Variants in USP9X observed in about 807,000 individuals in gnomAD.
USP9X encodes ubiquitin specific peptidase 9 X-linked.
USP9X carries 7 observed loss-of-function variants against 190.3 expected under a neutral mutation model. The ratio of observed to expected loss-of-function variants is 0.04; its 90% confidence interval spans 0.02 to 0.07. The LOEUF (loss-of-function observed/expected upper bound fraction) is 0.07, where lower values mean the gene tolerates loss of function less well. Ranked by LOEUF, USP9X falls within the 10% of genes least tolerant of loss-of-function variation. USP9X has a pLI of 1.00. For synonymous variants in USP9X, 645 were observed against 659.5 expected, an observed-to-expected ratio of 0.98 and a Z score of 0.34; for missense variants, 1,010 against 1,916.9, an observed-to-expected ratio of 0.53 and a Z score of 8.83.
chrX:41,087,358 T>C (rs1401214579), intron 1 of USP9X, among the ~76,000 whole-genome samples: 2 of 112,127 alleles, frequency 1.8e-5, no homozygotes, highest in Non-Finnish European at 3.8e-5. Context: ...CTGATTACCC[T>C]TAGGTAAGGA....
chrX:41,166,459 T>A (rs983498837), intron 16 of USP9X, among the ~76,000 whole-genome samples: 7 of 111,619 alleles, frequency 6.3e-5, no homozygotes, highest in African/African-American at 2.3e-4. Context: ...ATTCCATAGA[T>A]GTGCACTAAA....
At chrX:41,156,202 A>G (rs142542928) in intron 14 of USP9X, among the ~76,000 whole-genome samples, 6 of 112,124 alleles carry the variant, frequency 5.4e-5, no homozygotes, top group African/African-American at 1.9e-4. Flanking sequence ...AAGAAAATCT[A>G]TTAAATCTGC....
chrX:41,150,226 C>G (rs2062511973), intron 12 of USP9X, among the ~76,000 whole-genome samples: 1 of 110,316 alleles, frequency 9.1e-6, no homozygotes, highest in Admixed American at 9.6e-5. Flanking sequence ...TCCGAGCTTA[C>G]GAAATTGTTA....
chrX:41,093,959 T>C (rs1224991066), intron 1 of USP9X, among the ~76,000 whole-genome samples: 1 of 111,825 alleles, frequency 8.9e-6, no homozygotes, highest in Non-Finnish European at 1.9e-5. Flanking sequence ...ATACTGGCTA[T>C]GTACAGCATT....
intron 1 of USP9X, 36 bp from the exon 2 acceptor site, chrX:41,123,435 C>CT: frequency 1.7e-5 from 7 of 412,321 alleles, no homozygotes; most frequent in South Asian, 1.5e-4. Flanking sequence ...TTTTTTATAT[C>CT]TAAAACCAAT....
intron 21 of USP9X, among the ~76,000 whole-genome samples, chrX:41,177,305 C>T (rs766584483): frequency 8.9e-6 from 1 of 112,294 alleles, no homozygotes; most frequent in Non-Finnish European, 1.9e-5. Flanking sequence ...CATAATTATT[C>T]GGTATCTCTT....
chrX:41,143,185 G>A lies in USP9X; in HGVS notation c.1162-106G>A, dbSNP rs1026856452. 4.0e-5 allele frequency: 23 copies of A among 571,178 alleles called. No homozygotes were observed. In the African/African-American group the frequency reaches 5.0e-4, roughly 12 times the overall value. 47.1% of individuals were successfully genotyped at this position (571,178 alleles called of 1,213,427 possible). On this transcript the variant is annotated intron_variant, in intron 9 of 44. Transcript: ENST00000378308. ...GTATATTTTACCAGTATTATATTTTGTAAATGTGTTTTGAATTTCCTTATA... is the reference window on the plus strand; with the variant it reads ...GTATATTTTACCAGTATTATATTTTATAAATGTGTTTTGAATTTCCTTATA...
chrX:41,196,847 TG>T (rs758587113), intron 28 of USP9X, 109 bp downstream of exon 28: 2 of 638,424 alleles, frequency 3.1e-6, no homozygotes, highest in East Asian at 7.4e-5. Flanking sequence ...CTCCAAAGAT[TG>T]ATAAAAGGGA....
Position 41,216,487 on chromosome X carries a change from A to G in USP9X, c.5920A>G (p.Ile1974Val), listed in dbSNP as rs760867179. ...ELIRYISELA[I>V]TTRPHQIIMP... is the part of the protein sequence containing the mutation. Reference sequence around the variant, plus strand: ...GATAAGATATATATCAGAGCTTGCTATCACCACCAGACCTCATCAGATTAT... The same window carrying G: ...GATAAGATATATATCAGAGCTTGCTGTCACCACCAGACCTCATCAGATTAT... The change falls in exon 35 of 45, where the codon ATC becomes GTC. Residue 1974 changes from isoleucine to valine, a missense_variant. Ile to Val is a conservative substitution (Grantham distance 29). This residue lies in a region of USP9X where 31 missense variants were observed against 27.2 expected (regional missense o/e 1.14). Transcript: ENST00000378308. 9.4e-5 allele frequency: 114 copies of G among 1,209,575 alleles called. No homozygotes were observed. In the Middle Eastern group the frequency reaches 2.1e-3, roughly 22 times the overall value.
Position 41,236,368 on chromosome X carries a change from T to TTA in USP9X, c.*3847_*3848dup, listed in dbSNP as rs1394550501. ...GAAATTTAGCACTTTCCCTCCAAAT[T>TTA]TATAGGTGTAAGAGAAGCGGGGGCA... On this transcript the variant is annotated 3_prime_UTR_variant, in exon 45 of 45. Transcript: ENST00000378308. The TTA allele has an allele frequency of 9.0e-6, 1 of 111,708 alleles. No homozygotes were observed. Among genetic ancestry groups the TTA allele is most frequent in the Non-Finnish European group, 1.9e-5 (1 of 53,064 alleles). The allele number at this position is 111,708 out of a possible 1,213,427, so 9.2% of individuals were successfully genotyped here.
At chrX:41,169,503 G>A (rs900172378) in intron 18 of USP9X, among the ~76,000 whole-genome samples, 1 of 110,832 alleles carries the variant, frequency 9.0e-6, no homozygotes, top group African/African-American at 3.3e-5. Context: ...TGCCCAGGCT[G>A]GAGTGCAGTG....
At chrX:41,129,910 A>G (rs762547989) in intron 3 of USP9X, among the ~76,000 whole-genome samples, 2 of 111,916 alleles carry the variant, frequency 1.8e-5, no homozygotes, top group East Asian at 2.8e-4. Flanking sequence ...ACACTATTAA[A>G]TGCATAATGT....
At chrX:41,133,310 A>T (rs1453986896) in intron 4 of USP9X, among the ~76,000 whole-genome samples, 1 of 111,821 alleles carries the variant, frequency 8.9e-6, no homozygotes, top group African/African-American at 3.3e-5. Flanking sequence ...TACGTTCACT[A>T]ATTCATCAAA....
At chrX:41,107,276 C>T (rs772717452) in intron 1 of USP9X, among the ~76,000 whole-genome samples, 1 of 112,253 alleles carries the variant, frequency 8.9e-6, no homozygotes, top group South Asian at 3.7e-4. Flanking sequence ...GCCTTGGCCT[C>T]CCAAAGTGCT....
intron 26 of USP9X, among the ~76,000 whole-genome samples, chrX:41,191,836 G>A (rs1244716169): frequency 8.9e-6 from 1 of 112,255 alleles, no homozygotes; most frequent in Non-Finnish European, 1.9e-5. Context: ...AGGAGCAAAA[G>A]TGAAGGTTTT....
chrX:41,197,132 A>G (rs946648803), intron 28 of USP9X, among the ~76,000 whole-genome samples: 8 of 112,275 alleles, frequency 7.1e-5, no homozygotes, highest in African/African-American at 2.6e-4. Flanking sequence ...TTATTTCTGA[A>G]GAGATTTGTA....
chrX:41,105,033 A>G (rs960513246), intron 1 of USP9X, among the ~76,000 whole-genome samples: 5 of 111,725 alleles, frequency 4.5e-5, no homozygotes, highest in African/African-American at 1.6e-4. Flanking sequence ...TGAAGATCCT[A>G]AATTTCTGAC....
intron 18 of USP9X, among the ~76,000 whole-genome samples, chrX:41,168,506 T>C (rs186716133): frequency 1.8e-5 from 2 of 112,009 alleles, no homozygotes; most frequent in East Asian, 2.8e-4. Context: ...TGAAGTGTTT[T>C]TGTTTATTTG....
intron 21 of USP9X, among the ~76,000 whole-genome samples, chrX:41,183,111 G>A (rs1377510124): frequency 9.1e-6 from 1 of 109,702 alleles, no homozygotes; most frequent in Non-Finnish European, 1.9e-5. Context: ...GCTGGTTTTT[G>A]TATTTTTAGT....
Sources: gnomAD v4.1 joint callset for allele counts (sites outside exome capture counted in the v4.1 genomes callset) on GRCh38, gnomAD v4.1.1 for gene constraint, gnomAD v4.1.1 regional missense constraint, MANE v1.5 for transcripts, NCBI Gene and HGNC (gene_info 2026-07-23, HGNC 2026-07-21) for gene names.